Variants in SMCHD1 observed in about 807,000 individuals in gnomAD.
The protein encoded by SMCHD1 is structural maintenance of chromosomes flexible hinge domain containing 1, also known as structural maintenance of chromosomes flexible hinge domain-containing protein 1.
A neutral mutation model predicts 254.7 loss-of-function variants in SMCHD1; 78 were observed. That is an observed-to-expected ratio of 0.31 (90% CI 0.26 to 0.37). SMCHD1 has a LOEUF of 0.37. SMCHD1 is among the 10% of genes least tolerant of loss of function. SMCHD1 has a pLI of 1.00. For missense variants in SMCHD1, 1,840 were observed against 2,408.1 expected (o/e 0.76, Z 4.94); for synonymous variants, 766 against 794.9 (o/e 0.96, Z 0.61).
At chr18:2,775,068 ATTTTTTTTTTTTTT>A (rs10601895) in intron 41 of SMCHD1, among the ~76,000 whole-genome samples, 18 of 73,014 alleles carry the variant, frequency 2.5e-4, no homozygotes, top group East Asian at 4.6e-4. Context: ...AAAAGGAACA[ATTTTTTTTTTTTTT>A]TTTTTTTTTT....
chr18:2,660,472 G>GGTT (rs750322764), intron 1 of SMCHD1, among the ~76,000 whole-genome samples: 1 of 126,184 alleles, frequency 7.9e-6, no homozygotes, highest in Non-Finnish European at 1.6e-5. Flanking sequence ...AAAATCCATG[G>GGTT]TTTTTTTTTT....
At chr18:2,770,874 G>GC (rs1351450624) in intron 39 of SMCHD1, among the ~76,000 whole-genome samples, 3 of 152,026 alleles carry the variant, frequency 2.0e-5, no homozygotes, top group Non-Finnish European at 4.4e-5. Context: ...GCCCACCTTG[G>GC]CCCCCACAAA....
rs1458429134 is a variant in SMCHD1, at chr18:2,685,842, C to T, written c.639-2552C>T. 2.0e-5 allele frequency among the ~76,000 whole-genome samples: 3 copies of T among 152,320 alleles called. No individual in the cohort carries two copies. The East Asian group carries it at 5.8e-4, about 29-fold the overall frequency. On this transcript the variant is annotated intron_variant, in intron 5 of 47. Coordinates refer to ENST00000320876, the MANE Select transcript of SMCHD1 (RefSeq NM_015295.3). The stretch of plus-strand genomic sequence containing the variant: ...AGTAATTCTCCACTGTACAACCATA[C>T]TGCGTTTTGTCTATCAGTTCATAGA...
At chr18:2,774,744 T>C (rs2076038414) in intron 41 of SMCHD1, among the ~76,000 whole-genome samples, 2 of 152,184 alleles carry the variant, frequency 1.3e-5, no homozygotes, top group African/African-American at 4.8e-5. Flanking sequence ...AATGTTCTTA[T>C]TGCTAGAGTA....
At chr18:2,674,631 A>G (rs949514391) in intron 5 of SMCHD1, among the ~76,000 whole-genome samples, 3 of 152,210 alleles carry the variant, frequency 2.0e-5, no homozygotes, top group African/African-American at 7.2e-5. Flanking sequence ...AGGATGTCAC[A>G]GGGAAAACAA....
chr18:2,768,838 T>G (rs561451818), intron 37 of SMCHD1, among the ~76,000 whole-genome samples: 20 of 151,904 alleles, frequency 1.3e-4, no homozygotes, highest in Admixed American at 1.1e-3. Context: ...AAATACATGT[T>G]TGCATTTATG....
chr18:2,693,835 T>A (rs879072527), intron 7 of SMCHD1, among the ~76,000 whole-genome samples: 1 of 152,156 alleles, frequency 6.6e-6, no homozygotes, highest in Non-Finnish European at 1.5e-5. Context: ...TTCGGCTTGT[T>A]GGCCAGGCTG....
chr18:2,793,311 C>T (rs1006915905), intron 45 of SMCHD1, among the ~76,000 whole-genome samples: 109 of 152,066 alleles, frequency 7.2e-4, no homozygotes, highest in African/African-American at 2.6e-3. Context: ...TTGAAATAAC[C>T]TATCTTAATA....
chr18:2,786,948 T>G (rs1437602465), intron 45 of SMCHD1, among the ~76,000 whole-genome samples: 1 of 99,950 alleles, frequency 1.0e-5, no homozygotes, highest in Admixed American at 1.2e-4. Context: ...AAATGTACAA[T>G]TTATTTATTC....
chr18:2,784,325 C>T, intron 44 of SMCHD1, 125 bp from the exon 45 acceptor site: 1 of 760,718 alleles, frequency 1.3e-6, no homozygotes, highest in Non-Finnish European at 2.0e-6. Context: ...TTGCTAGTTA[C>T]TAAGTTTTTG....
chr18:2,711,359 A>T (rs1426225235), intron 17 of SMCHD1, among the ~76,000 whole-genome samples: 1 of 151,730 alleles, frequency 6.6e-6, no homozygotes, highest in East Asian at 1.9e-4. Context: ...CAGTCTCCCA[A>T]AGTGTTAGGA....
chr18:2,671,674 C>G (rs1319516422), intron 3 of SMCHD1, among the ~76,000 whole-genome samples: 1 of 149,658 alleles, frequency 6.7e-6, no homozygotes, highest in African/African-American at 2.5e-5. Context: ...CGGCTCACTG[C>G]AAGCTCCGCC....
At chr18:2,662,887 A>G (rs901331372) in intron 1 of SMCHD1, among the ~76,000 whole-genome samples, 2 of 152,184 alleles carry the variant, frequency 1.3e-5, no homozygotes, top group Non-Finnish European at 2.9e-5. Flanking sequence ...TAAGTTTACT[A>G]AAGTATGCCA....
chr18:2,717,429 T>C (rs1484875361), intron 17 of SMCHD1, among the ~76,000 whole-genome samples: 2 of 152,184 alleles, frequency 1.3e-5, no homozygotes, highest in Non-Finnish European at 2.9e-5. Flanking sequence ...CTTGACCTCC[T>C]GGGCTCAAGT....
At chr18:2,660,291 C>T (rs1598273164) in intron 1 of SMCHD1, among the ~76,000 whole-genome samples, 1 of 152,084 alleles carries the variant, frequency 6.6e-6, no homozygotes, top group East Asian at 1.9e-4. Flanking sequence ...CACCGCTGCA[C>T]TCTAGCCTGG....
intron 30 of SMCHD1, among the ~76,000 whole-genome samples, chr18:2,748,135 G>A (rs2075492018): frequency 6.6e-6 from 1 of 152,126 alleles, no homozygotes; most frequent in Non-Finnish European, 1.5e-5. Flanking sequence ...TTTAGGGTGA[G>A]GCTCCTGCCC....
chr18:2,774,820 G>A (rs1321294160), intron 41 of SMCHD1, among the ~76,000 whole-genome samples: 1 of 152,190 alleles, frequency 6.6e-6, no homozygotes, highest in Non-Finnish European at 1.5e-5. Context: ...AATGAACTAG[G>A]CTTTGATACT....
intron 37 of SMCHD1, among the ~76,000 whole-genome samples, chr18:2,766,411 T>A (rs1437493368): frequency 1.3e-5 from 2 of 152,254 alleles, no homozygotes; most frequent in African/African-American, 4.8e-5. Flanking sequence ...TAAAAATCTC[T>A]TCACATCATG....
Position 2,697,084 on chromosome 18 carries a change from T to C in SMCHD1, c.1093T>C (p.Ser365Pro). The change falls in exon 9 of 48, where the codon TCA (serine) becomes CCA (proline). Residue 365 changes from serine to proline, a missense_variant. Ser to Pro is a moderately conservative substitution (Grantham distance 74). Transcript: ENST00000320876. ...CCCAAAAGGAAATGAAATACGAACA[T>C]CAAAAGAAGTTGAACCTTTCAACAA... ...HGPKGNEIRT[S>P]KEVEPFNNID... 6.6e-7 allele frequency: 1 copy of C among 1,507,170 alleles called. No homozygotes were observed. Among genetic ancestry groups the C allele is most frequent in the African/African-American group, 1.4e-5 (1 of 71,404 alleles). 93.4% of individuals were successfully genotyped at this position (1,507,170 alleles called of 1,614,324 possible). A position where few individuals can be genotyped will look rare whatever the true frequency, so the allele number is the denominator to read the frequency against.
Sources: gnomAD v4.1 joint callset for allele counts (sites outside exome capture counted in the v4.1 genomes callset) on GRCh38, gnomAD v4.1.1 for gene constraint, MANE v1.5 for transcripts, NCBI Gene and HGNC (gene_info 2026-07-23, HGNC 2026-07-21) for gene names.